NEDD4: variants seen among roughly 807,000 people sequenced by gnomAD.
The protein encoded by NEDD4 is E3 ubiquitin-protein ligase NEDD4.
NEDD4 carries 99 observed loss-of-function variants against 144.9 expected under a neutral mutation model. The observed-to-expected ratio is 0.68, with a 90% CI of 0.58 to 0.81. The LOEUF (loss-of-function observed/expected upper bound fraction) is 0.81. Ranked by LOEUF, NEDD4 falls within the 30% of genes least tolerant of loss-of-function variation. The probability of loss-of-function intolerance (pLI) is 0.00; values close to 1 mark genes in which losing one functional copy is unlikely to be tolerated. For missense variants in NEDD4, 985 were observed against 1,065.9 expected (o/e 0.92, Z 1.06); for synonymous variants, 318 against 350.6 (o/e 0.91, Z 1.04).
At chr15:55,934,926 T>TGGC (rs2036856488) in intron 4 of NEDD4, among the ~76,000 whole-genome samples, 1 of 126,030 alleles carries the variant, frequency 7.9e-6, no homozygotes, top group Non-Finnish European at 1.6e-5. Context: ...TGGAGTGCAG[T>TGGC]GGCACAATAT....
At chr15:55,906,562 C>T (rs1396945461) in intron 5 of NEDD4, among the ~76,000 whole-genome samples, 1 of 148,908 alleles carries the variant, frequency 6.7e-6, no homozygotes, top group Non-Finnish European at 1.5e-5. Flanking sequence ...TGTTCTCACT[C>T]ATAGGTGGGA....
At chr15:55,977,264 T>C (rs1441300655) in intron 1 of NEDD4, among the ~76,000 whole-genome samples, 2 of 152,220 alleles carry the variant, frequency 1.3e-5, no homozygotes, top group African/African-American at 4.8e-5. Context: ...TTCTATGTTT[T>C]GGTACACAAT....
rs569261817 is a variant in NEDD4, at chr15:55,898,497, C to A, written c.292-24489G>T. 6.6e-5 allele frequency among the ~76,000 whole-genome samples: 10 copies of A among 152,222 alleles called. No homozygotes were observed. The East Asian group carries it at 1.2e-3, about 18-fold the overall frequency. ...CACGGGCAAGCAGCCTTGATGCTTA[C>A]AATAATTTCAACACTCTGATCCTTC... is the stretch of plus-strand genomic sequence containing the variant. On this transcript the variant is annotated intron_variant, in intron 5 of 28. Coordinates refer to ENST00000435532, the MANE Select transcript of NEDD4 (RefSeq NM_006154.4).
chr15:55,947,874 C>T (rs1723531051), intron 4 of NEDD4, among the ~76,000 whole-genome samples: 1 of 152,174 alleles, frequency 6.6e-6, no homozygotes, highest in Non-Finnish European at 1.5e-5. Flanking sequence ...TGGAAGCATT[C>T]CCTTTGAAAA....
intron 1 of NEDD4, among the ~76,000 whole-genome samples, chr15:55,993,210 G>A (rs2038016046): frequency 6.6e-6 from 1 of 152,280 alleles, no homozygotes; most frequent in East Asian, 1.9e-4. Flanking sequence ...TGGGTCCCCC[G>A]CCGACCGCCT....
chr15:55,887,579 T>C lies in NEDD4; in HGVS notation c.292-13571A>G, dbSNP rs191064883. On this transcript the variant is annotated intron_variant, in intron 5 of 28. Coordinates refer to ENST00000435532, the MANE Select transcript of NEDD4 (RefSeq NM_006154.4). ...ATATTTAAAGAACTAATACCAATCC[T>C]ACTCAAACAATTCTGAAAAACAGAG... Among the ~76,000 whole-genome samples the C allele has an allele frequency of 3.4e-3, 524 of 152,266 alleles. 12 individuals are homozygous for C. The highest frequency in any genetic ancestry group is 0.029 in the Admixed American group (445 of 15,294).
At chr15:55,833,236 A>G in intron 26 of NEDD4, 132 bp from the exon 27 acceptor site, 1 of 598,948 alleles carries the variant, frequency 1.7e-6, no homozygotes, top group East Asian at 2.8e-5. Flanking sequence ...TTTCAGTTAA[A>G]TTTTTGTTTA....
chr15:55,945,358 G>A (rs1202501760), intron 4 of NEDD4, among the ~76,000 whole-genome samples: 8 of 152,264 alleles, frequency 5.3e-5, no homozygotes, highest in South Asian at 2.1e-4. Context: ...CAAGAACTTT[G>A]TGATACATGC....
chr15:55,981,659 T>C (rs1383283212), intron 1 of NEDD4, among the ~76,000 whole-genome samples: 10 of 152,272 alleles, frequency 6.6e-5, no homozygotes, highest in East Asian at 1.9e-4. Flanking sequence ...TCCTTGGATT[T>C]AGGAGCAAGC....
intron 5 of NEDD4, among the ~76,000 whole-genome samples, chr15:55,923,138 T>G (rs1310197641): frequency 1.3e-5 from 2 of 151,898 alleles, no homozygotes; most frequent in Non-Finnish European, 2.9e-5. Flanking sequence ...GAGCTGAGAC[T>G]GCGCCACTGC....
chr15:55,890,718 T>A (rs2035544253), intron 5 of NEDD4, among the ~76,000 whole-genome samples: 1 of 152,228 alleles, frequency 6.6e-6, no homozygotes, highest in African/African-American at 2.4e-5. Context: ...TTGCTAAAAA[T>A]CTGCCAGACC....
At chr15:55,837,265 A>G (rs574329996) in intron 24 of NEDD4, among the ~76,000 whole-genome samples, 2 of 151,942 alleles carry the variant, frequency 1.3e-5, no homozygotes, top group African/African-American at 4.8e-5. Context: ...CCATGTCTCT[A>G]CTAAAAATAC....
chr15:55,981,056 G>A (rs1445892977), intron 1 of NEDD4, among the ~76,000 whole-genome samples: 1 of 95,736 alleles, frequency 1.0e-5, no homozygotes, highest in Non-Finnish European at 2.2e-5. Flanking sequence ...TTTTTTTTTT[G>A]AGACGGAGTC....
intron 5 of NEDD4, among the ~76,000 whole-genome samples, chr15:55,874,730 T>C (rs908358556): frequency 2.0e-5 from 3 of 152,142 alleles, no homozygotes; most frequent in Admixed American, 1.3e-4. Context: ...TCCCAGCACT[T>C]TGGGAGGCCG....
intron 24 of NEDD4, among the ~76,000 whole-genome samples, chr15:55,834,999 A>G (rs1413944498): frequency 6.6e-6 from 1 of 152,112 alleles, no homozygotes. Context: ...ATCTCACTAG[A>G]TCTCTTTCTC....
chr15:55,865,108 G>T (rs995013086), intron 8 of NEDD4, among the ~76,000 whole-genome samples: 6 of 145,318 alleles, frequency 4.1e-5, no homozygotes, highest in Non-Finnish European at 8.9e-5. Flanking sequence ...TGGGGCAGGA[G>T]AATTGCTTGA....
intron 5 of NEDD4, among the ~76,000 whole-genome samples, chr15:55,905,634 A>C (rs2036064482): frequency 6.6e-6 from 1 of 152,260 alleles, no homozygotes; most frequent in Non-Finnish European, 1.5e-5. Flanking sequence ...CATAAAAACA[A>C]GTAGGACGTT....
At chr15:55,836,671 G>A (rs1336656691) in intron 24 of NEDD4, among the ~76,000 whole-genome samples, 5 of 152,082 alleles carry the variant, frequency 3.3e-5, no homozygotes, top group Non-Finnish European at 7.4e-5. Flanking sequence ...GACTGCACGT[G>A]CACGCCACCA....
In NEDD4 at chr15:55,840,681, C is replaced by T. The variant is rs780115488; in HGVS notation, c.1885G>A (p.Glu629Lys). The T allele has an allele frequency of 6.2e-6, 10 of 1,614,008 alleles. No homozygotes were observed. Among genetic ancestry groups the T allele is most frequent in the Non-Finnish European group, 8.5e-6 (10 of 1,179,952 alleles). Residue 629 changes from glutamate (E) to lysine (K), a missense_variant, in exon 20 of 29, where the codon GAA (glutamate) becomes AAA (lysine). By Grantham distance (56) the Glu-to-Lys change is moderately conservative. Coordinates refer to ENST00000435532, the MANE Select transcript of NEDD4 (RefSeq NM_006154.4). ...QINPNSGLCNEDHLSYFKFIG... is the reference protein window; with the variant it reads ...QINPNSGLCNKDHLSYFKFIG... ...AACTTGAAGTAAGAGAGGTGATCTT[C>T]GTTACACAATCCAGAGTTTGGATTT...
Sources: allele counts gnomAD v4.1 joint callset (sites outside exome capture counted in the v4.1 genomes callset), GRCh38; gene constraint gnomAD v4.1.1; transcripts MANE v1.5; gene names NCBI Gene and HGNC (gene_info 2026-07-23, HGNC 2026-07-21).